ANTXR2: variants seen among roughly 807,000 people sequenced by gnomAD.
ANTXR2 encodes ANTXR cell adhesion molecule 2.
Under a neutral mutation model 73.7 loss-of-function variants are expected in ANTXR2, and 44 were observed. That is an observed-to-expected ratio of 0.60 (90% CI 0.47 to 0.77). ANTXR2 has a LOEUF of 0.77. Ranked by LOEUF, ANTXR2 falls within the 30% of genes least tolerant of loss-of-function variation. ANTXR2 has a pLI of 0.00. For missense variants in ANTXR2, 604 were observed against 592.5 expected, an observed-to-expected ratio of 1.02 and a Z score of -0.20; for synonymous variants, 217 against 205.9, an observed-to-expected ratio of 1.05 and a Z score of -0.46.
At chr4:80,029,298 T>C (rs1732579284) in intron 10 of ANTXR2, among the ~76,000 whole-genome samples, 2 of 152,016 alleles carry the variant, frequency 1.3e-5, no homozygotes. Flanking sequence ...AGAAAGTAAA[T>C]TACTTTCTTT....
rs192381088 is a variant in ANTXR2, at chr4:80,020,312, G to C, written c.867-1336C>G. Among the ~76,000 whole-genome samples the C allele has an allele frequency of 3.3e-5, 5 of 152,252 alleles. No individual in the cohort carries two copies. In the East Asian group the frequency reaches 9.6e-4, roughly 29 times the overall value. ...GTGGCAGGAGGATCGCTTGAGCCTG[G>C]GAGGTTGAGGCTGCAGTCATCTCTG... On this transcript the variant is annotated intron_variant, in intron 10 of 16. Coordinates refer to ENST00000403729, the MANE Select transcript of ANTXR2 (RefSeq NM_058172.6).
At chr4:80,007,610 T>C (rs141950941) in intron 12 of ANTXR2, among the ~76,000 whole-genome samples, 1 of 152,272 alleles carries the variant, frequency 6.6e-6, no homozygotes, top group East Asian at 1.9e-4. Flanking sequence ...ATCCCATGGT[T>C]CCTTAAAACT....
At chr4:80,014,457 T>C (rs956204265) in intron 11 of ANTXR2, among the ~76,000 whole-genome samples, 4 of 151,876 alleles carry the variant, frequency 2.6e-5, no homozygotes, top group South Asian at 2.1e-4. Context: ...TCCCAGCTAC[T>C]TGGGAAGCTG....
At chr4:79,915,810 C>T (rs1727320371) in intron 16 of ANTXR2, among the ~76,000 whole-genome samples, 2 of 127,948 alleles carry the variant, frequency 1.6e-5, no homozygotes, top group Admixed American at 1.8e-4. Flanking sequence ...CTGTCTCTGT[C>T]TCTGTCTCTG....
At chr4:79,924,915 C>G (rs575280810) in intron 16 of ANTXR2, among the ~76,000 whole-genome samples, 2 of 152,210 alleles carry the variant, frequency 1.3e-5, no homozygotes, top group Non-Finnish European at 2.9e-5. Context: ...CATACTCTCA[C>G]CTAACATCCT....
At chr4:80,034,301 T>A (rs1245306757) in intron 8 of ANTXR2, among the ~76,000 whole-genome samples, 1 of 152,174 alleles carries the variant, frequency 6.6e-6, no homozygotes, top group Admixed American at 6.6e-5. Context: ...TGTTTACTGC[T>A]AAGCTGCAAG....
At chr4:79,999,808 T>C (rs1730932392) in intron 12 of ANTXR2, among the ~76,000 whole-genome samples, 1 of 151,878 alleles carries the variant, frequency 6.6e-6, no homozygotes, top group Non-Finnish European at 1.5e-5. Context: ...TCCCCACTAC[T>C]TGGGAGGCTG....
intron 3 of ANTXR2, among the ~76,000 whole-genome samples, chr4:80,064,845 G>A (rs887260316): frequency 2.0e-5 from 3 of 152,208 alleles, no homozygotes; most frequent in African/African-American, 7.2e-5. Context: ...GGGGCACTAG[G>A]ATGGGGCGTT....
At chr4:79,932,843 A>G (rs567718600) in intron 16 of ANTXR2, among the ~76,000 whole-genome samples, 5 of 151,310 alleles carry the variant, frequency 3.3e-5, no homozygotes, top group Admixed American at 1.3e-4. Context: ...CAGTCTACAG[A>G]GAACTAGATT....
At position 80,018,887 on chromosome 4, in the gene ANTXR2, C is replaced by G; in HGVS notation, c.945+11G>C. 1 of 1,505,810 alleles carries G rather than the reference C, an allele frequency of 6.6e-7. No individual in the cohort carries two copies. The highest frequency in any genetic ancestry group is 8.9e-7 in the Non-Finnish European group (1 of 1,126,878). 93.3% of individuals were successfully genotyped at this position (1,505,810 alleles called of 1,614,324 possible). A position where few individuals can be genotyped will look rare whatever the true frequency, so the allele number is the denominator to read the frequency against. On this transcript the variant is annotated intron_variant, in intron 11 of 16. Transcript: ENST00000403729. ...TTTTAAAAGATAATCTTTGTGCAAA[C>G]TTTTACTTACACATTCTGTGGCTGT...
At chr4:79,981,743 A>G (rs916731282) in intron 14 of ANTXR2, among the ~76,000 whole-genome samples, 1 of 151,892 alleles carries the variant, frequency 6.6e-6, no homozygotes, top group Non-Finnish European at 1.5e-5. Context: ...TTGCTTTTCC[A>G]TTTTTTTCTT....
Position 80,072,694 on chromosome 4 carries a change from G to A in ANTXR2, c.-134C>T, listed in dbSNP as rs918234294. ...GAGCAGCTGAGACGCCGGCGCCTGCGGCAGCGGGACCCACCAGCTGACAGG... is the reference window on the plus strand; with the variant it reads ...GAGCAGCTGAGACGCCGGCGCCTGCAGCAGCGGGACCCACCAGCTGACAGG... On this transcript the variant is annotated 5_prime_UTR_variant, in exon 1 of 17. Transcript: ENST00000403729. 1.5e-6 allele frequency: 2 copies of A among 1,344,384 alleles called. No individual in the cohort carries two copies. Among genetic ancestry groups the A allele is most frequent in the Non-Finnish European group, 1.9e-6 (2 of 1,052,702 alleles). 83.3% of individuals were successfully genotyped at this position (1,344,384 alleles called of 1,614,324 possible).
intron 16 of ANTXR2, among the ~76,000 whole-genome samples, chr4:79,915,266 G>T (rs1276876727): frequency 1.3e-5 from 2 of 152,056 alleles, no homozygotes; most frequent in Non-Finnish European, 2.9e-5. Context: ...TAGGTATAGA[G>T]ACCCCAACTC....
At chr4:79,991,460 T>G (rs1479988653) in intron 12 of ANTXR2, among the ~76,000 whole-genome samples, 1 of 151,654 alleles carries the variant, frequency 6.6e-6, no homozygotes, top group African/African-American at 2.4e-5. Flanking sequence ...ATAACAGGAG[T>G]TAGCAAGGCT....
At chr4:79,915,860 C>CTATA (rs775665680) in intron 16 of ANTXR2, among the ~76,000 whole-genome samples, 1,458 of 121,840 alleles carry the variant, frequency 0.012, 12 homozygotes, top group Middle Eastern at 0.022. Flanking sequence ...CTCTCTCTCT[C>CTATA]TCTATATATA....
intron 16 of ANTXR2, among the ~76,000 whole-genome samples, chr4:79,926,906 T>C (rs1727810133): frequency 7.5e-6 from 1 of 134,208 alleles, no homozygotes; most frequent in South Asian, 2.4e-4. Context: ...TATACACATG[T>C]GTGCATATAT....
At chr4:79,935,435 T>G (rs959260536) in intron 16 of ANTXR2, among the ~76,000 whole-genome samples, 7 of 151,562 alleles carry the variant, frequency 4.6e-5, no homozygotes, top group Non-Finnish European at 1.0e-4. Context: ...GAAAATAAAT[T>G]AGTGACAAAG....
chr4:80,001,324 AC>A (rs1165191173), intron 12 of ANTXR2, among the ~76,000 whole-genome samples: 1 of 53,682 alleles, frequency 1.9e-5, no homozygotes, highest in Non-Finnish European at 3.5e-5. Context: ...CCCTCCCCCC[AC>A]CCCACAACAG....
At chr4:79,955,508 A>C (rs1299543807) in intron 16 of ANTXR2, among the ~76,000 whole-genome samples, 1 of 152,170 alleles carries the variant, frequency 6.6e-6, no homozygotes, top group Non-Finnish European at 1.5e-5. Flanking sequence ...ACAATAAGTT[A>C]GAATTTCCAC....
Sources: gnomAD v4.1 joint callset for allele counts (sites outside exome capture counted in the v4.1 genomes callset) on GRCh38, gnomAD v4.1.1 for gene constraint, MANE v1.5 for transcripts, NCBI Gene and HGNC (gene_info 2026-07-23, HGNC 2026-07-21) for gene names.